Variants in NTRK2 observed in about 807,000 individuals in gnomAD.
The protein encoded by NTRK2 is BDNF/NT-3 growth factors receptor.
In NTRK2, 13 loss-of-function variants were observed where a neutral mutation model predicts 94.5. The observed-to-expected ratio is 0.14, with a 90% CI of 0.09 to 0.22. The LOEUF is 0.22. NTRK2 is among the 10% of genes least tolerant of loss of function. NTRK2 has a pLI of 1.00. For synonymous variants in NTRK2, 372 were observed against 407.4 expected, an observed-to-expected ratio of 0.91 and a Z score of 1.05; for missense variants, 639 against 1,071.2, an observed-to-expected ratio of 0.60 and a Z score of 5.63.
chr9:84,856,833 C>T (rs142040406), intron 12 of NTRK2, among the ~76,000 whole-genome samples: 2 of 152,156 alleles, frequency 1.3e-5, no homozygotes, highest in African/African-American at 2.4e-5. Flanking sequence ...ATTTCTTCAG[C>T]GTTAAAAGAG....
upstream of NTRK2, chr9:84,668,838 G>C (rs919273938): frequency 6.6e-6 from 1 of 152,316 alleles, no homozygotes; most frequent in Non-Finnish European, 1.5e-5. Context: ...TGGGCATCGC[G>C]GGGAGTGAAT....
chr9:84,746,738 G>C (rs2132410571), intron 11 of NTRK2, among the ~76,000 whole-genome samples: 1 of 152,054 alleles, frequency 6.6e-6, no homozygotes, highest in East Asian at 1.9e-4. Context: ...TTGTACTTGT[G>C]GCTCCCCATC....
At chr9:84,956,629 T>C (rs1013993734) in intron 17 of NTRK2, among the ~76,000 whole-genome samples, 2 of 152,170 alleles carry the variant, frequency 1.3e-5, no homozygotes, top group Non-Finnish European at 2.9e-5. Flanking sequence ...ACTGGCTACC[T>C]TTCATAATAG....
intron 14 of NTRK2, among the ~76,000 whole-genome samples, chr9:84,901,041 G>A (rs945582177): frequency 3.3e-5 from 5 of 152,036 alleles, no homozygotes; most frequent in African/African-American, 1.2e-4. Flanking sequence ...ATAGAATGGT[G>A]TTTTCTAAAG....
chr9:84,880,608 C>T (rs2076226200), intron 14 of NTRK2, among the ~76,000 whole-genome samples: 1 of 152,230 alleles, frequency 6.6e-6, no homozygotes, highest in Non-Finnish European at 1.5e-5. Context: ...TGGCATTCTT[C>T]CAAGCCTGCA....
At chr9:84,838,408 C>T (rs1451799410) in intron 12 of NTRK2, among the ~76,000 whole-genome samples, 2 of 152,090 alleles carry the variant, frequency 1.3e-5, no homozygotes, top group African/African-American at 4.8e-5. Flanking sequence ...AAAGTACATG[C>T]TCGCCATACA....
chr9:84,768,350 G>A (rs1166721209), intron 12 of NTRK2, among the ~76,000 whole-genome samples: 1 of 152,134 alleles, frequency 6.6e-6, no homozygotes, highest in Non-Finnish European at 1.5e-5. Flanking sequence ...TTTTGTAACT[G>A]TAGTAATTGT....
At chr9:84,681,114 T>G (rs1445267689) in intron 2 of NTRK2, among the ~76,000 whole-genome samples, 3 of 152,210 alleles carry the variant, frequency 2.0e-5, no homozygotes, top group African/African-American at 7.2e-5. Context: ...TTACTTATGT[T>G]ACCTTCTTTG....
Position 84,844,645 on chromosome 9 carries a change from T to TCACACA in NTRK2, c.1397-16392_1397-16391insACACAC, listed in dbSNP as rs1437884217. On this transcript the variant is annotated intron_variant, in intron 12 of 18. Coordinates refer to ENST00000277120, the MANE Select transcript of NTRK2 (RefSeq NM_006180.6). ...CAAATGAAAACTACAATGTAATACCTCACTCACACACACACACACACACAC... is the reference window on the plus strand; with the variant it reads ...CAAATGAAAACTACAATGTAATACCTCACACACACTCACACACACACACACACACAC... Among the ~76,000 whole-genome samples the TCACACA allele has an allele frequency of 5.9e-5, 6 of 101,720 alleles. No individual in the cohort carries two copies. In the Admixed American group the frequency reaches 6.0e-4, roughly 10 times the overall value. 66.7% of individuals were successfully genotyped at this position (101,720 alleles called of 152,430 possible). A position where few individuals can be genotyped will look rare whatever the true frequency, so the allele number is the denominator to read the frequency against.
At chr9:84,929,024 A>G (rs1292833627) in intron 14 of NTRK2, among the ~76,000 whole-genome samples, 1 of 152,208 alleles carries the variant, frequency 6.6e-6, no homozygotes, top group East Asian at 1.9e-4. Context: ...AGGAAATGGG[A>G]AAGGCACATT....
intron 8 of NTRK2, among the ~76,000 whole-genome samples, chr9:84,727,123 T>G (rs754859413): frequency 2.0e-5 from 3 of 152,234 alleles, no homozygotes; most frequent in East Asian, 1.9e-4. Flanking sequence ...TAATAATTCA[T>G]CATCAGCAGC....
At chr9:84,742,795 T>TC (rs905291150) in intron 10 of NTRK2, among the ~76,000 whole-genome samples, 1 of 19,106 alleles carries the variant, frequency 5.2e-5, no homozygotes, top group Non-Finnish European at 1.4e-4. Flanking sequence ...ATTAGTTTTT[T>TC]TTTTTTTTTT....
intron 11 of NTRK2, among the ~76,000 whole-genome samples, chr9:84,746,898 G>C (rs1050049195): frequency 6.6e-6 from 1 of 152,116 alleles, no homozygotes; most frequent in South Asian, 2.1e-4. Flanking sequence ...CTCTTCTCTA[G>C]ATTCTTTAGT....
rs549352204 is a variant in NTRK2 at position 84,997,638 on chromosome 9, A to C, written c.2173-22568A>C. ...AACAAAAAGAGTGATTTCAGGCATA[A>C]AGTGGGAGCTGAGTGGTCAGCAGAG... On this transcript the variant is annotated intron_variant, in intron 17 of 18. Transcript: ENST00000277120. Among the ~76,000 whole-genome samples, 3 of 152,238 alleles carry C rather than the reference A, an allele frequency of 2.0e-5. No individual in the cohort carries two copies. In the South Asian group the frequency reaches 6.2e-4, roughly 32 times the overall value.
chr9:84,717,605 T>G (rs1377429582), intron 6 of NTRK2, among the ~76,000 whole-genome samples: 1 of 152,214 alleles, frequency 6.6e-6, no homozygotes, highest in Non-Finnish European at 1.5e-5. Context: ...CTTCTTCATC[T>G]GGAAATAGAA....
intron 17 of NTRK2, among the ~76,000 whole-genome samples, chr9:84,979,103 G>C (rs1342255073): frequency 6.6e-6 from 1 of 152,220 alleles, no homozygotes; most frequent in Non-Finnish European, 1.5e-5. Flanking sequence ...CATCCATTCT[G>C]TAGCCCATGG....
intron 12 of NTRK2, among the ~76,000 whole-genome samples, chr9:84,852,699 A>G (rs2074841090): frequency 6.6e-6 from 1 of 152,238 alleles, no homozygotes; most frequent in Non-Finnish European, 1.5e-5. Flanking sequence ...AATAAAATGT[A>G]GACTCACTAA....
At chr9:84,995,964 G>A (rs1829702178) in intron 17 of NTRK2, among the ~76,000 whole-genome samples, 1 of 152,162 alleles carries the variant, frequency 6.6e-6, no homozygotes, top group Non-Finnish European at 1.5e-5. Context: ...TTGCAATCCT[G>A]GGAAAATAAA....
chr9:84,727,565 G>A, intron 8 of NTRK2, 89 bp from the exon 9 acceptor site: 2 of 1,307,540 alleles, frequency 1.5e-6, no homozygotes, highest in South Asian at 1.2e-5. Context: ...CAATGGTTGA[G>A]TAAAATTCCC....
Sources: allele counts gnomAD v4.1 joint callset (sites outside exome capture counted in the v4.1 genomes callset), GRCh38; gene constraint gnomAD v4.1.1; transcripts MANE v1.5; gene names NCBI Gene and HGNC (gene_info 2026-07-23, HGNC 2026-07-21).